The following GPC6 variants were observed in gnomAD, a reference collection of about 807,000 sequenced individuals.
GPC6 encodes glypican 6, also known as glypican-6.
GPC6 carries 14 observed loss-of-function variants against 55.2 expected under a neutral mutation model. The ratio of observed to expected loss-of-function variants is 0.25; its 90% CI spans 0.17 to 0.40. The LOEUF (loss-of-function observed/expected upper bound fraction) is 0.40. GPC6 is among the 10% of genes least tolerant of loss of function. The pLI, the probability that GPC6 is intolerant of heterozygous loss-of-function variation, is 1.00. For synonymous variants in GPC6, 278 were observed against 259.6 expected, an observed-to-expected ratio of 1.07 and a Z score of -0.68; for missense variants, 641 against 708.5, an observed-to-expected ratio of 0.90 and a Z score of 1.08.
intron 4 of GPC6, among the ~76,000 whole-genome samples, chr13:94,143,844 T>C (rs11843296): frequency 7.0e-4 from 106 of 152,274 alleles, no homozygotes; most frequent in African/African-American, 2.5e-3. Flanking sequence ...TTAGCCATGA[T>C]CACTCCACTA....
At chr13:93,546,025 C>T (rs1451704394) in intron 2 of GPC6, among the ~76,000 whole-genome samples, 1 of 152,124 alleles carries the variant, frequency 6.6e-6, no homozygotes, top group African/African-American at 2.4e-5. Flanking sequence ...ACTGAAATTT[C>T]AGCATTGAAT....
At position 93,598,344 on chromosome 13, in the gene GPC6, C is replaced by G. The variant is rs1877860616; in HGVS notation, c.319+52923C>G. Among the ~76,000 whole-genome samples, 3 of 152,020 alleles carry G rather than the reference C, an allele frequency of 2.0e-5. No individual in the cohort carries two copies. In the South Asian group the frequency reaches 6.2e-4, roughly 32 times the overall value. ...CTTAGGATGTGTCCTGTTTTCAAACCATCTCCACCTTAGAAATCTTTCACT... is the reference window on the plus strand; with the variant it reads ...CTTAGGATGTGTCCTGTTTTCAAACGATCTCCACCTTAGAAATCTTTCACT... On this transcript the variant is annotated intron_variant, in intron 2 of 8. Transcript: ENST00000377047.
intron 1 of GPC6, among the ~76,000 whole-genome samples, chr13:93,515,931 T>C (rs1881172396): frequency 6.6e-6 from 1 of 152,122 alleles, no homozygotes; most frequent in Admixed American, 6.6e-5. Flanking sequence ...AGGAAAATAG[T>C]AAATATCTAG....
At chr13:93,767,909 T>G (rs1240321450) in intron 2 of GPC6, among the ~76,000 whole-genome samples, 2 of 152,092 alleles carry the variant, frequency 1.3e-5, no homozygotes, top group East Asian at 1.9e-4. Flanking sequence ...AAGCAAAAAT[T>G]TAGTCGTTTT....
At chr13:94,175,179 C>A (rs141027048) in intron 4 of GPC6, among the ~76,000 whole-genome samples, 14 of 152,252 alleles carry the variant, frequency 9.2e-5, no homozygotes, top group African/African-American at 3.1e-4. Context: ...TACCAGCAGT[C>A]TATTATTAGT....
chr13:93,524,107 C>T (rs763274090), intron 1 of GPC6, among the ~76,000 whole-genome samples: 6 of 151,894 alleles, frequency 4.0e-5, no homozygotes, highest in Non-Finnish European at 8.8e-5. Context: ...GCTGTGTGAC[C>T]TTGAACCTGA....
intron 4 of GPC6, among the ~76,000 whole-genome samples, chr13:94,060,645 C>G: frequency 6.6e-6 from 1 of 152,030 alleles, no homozygotes; most frequent in Admixed American, 6.6e-5. Context: ...AACTCAAAAG[C>G]CAACAAGAAA....
chr13:94,292,944 T>C (rs982035923), intron 5 of GPC6, among the ~76,000 whole-genome samples: 2 of 152,238 alleles, frequency 1.3e-5, no homozygotes, highest in Non-Finnish European at 2.9e-5. Context: ...ATATATTGGC[T>C]ATGCCTAGTT....
At chr13:93,805,433 T>C (rs1000000744) in intron 2 of GPC6, among the ~76,000 whole-genome samples, 2 of 152,096 alleles carry the variant, frequency 1.3e-5, no homozygotes, top group African/African-American at 4.8e-5. Flanking sequence ...AAAGAATATA[T>C]AAAAATAATG....
intron 1 of GPC6, among the ~76,000 whole-genome samples, chr13:93,377,707 C>T (rs1047816358): frequency 1.3e-5 from 2 of 152,162 alleles, no homozygotes; most frequent in Admixed American, 6.5e-5. Flanking sequence ...CTGATGAACA[C>T]CCTGATTTTA....
At chr13:93,635,416 T>C (rs975054875) in intron 2 of GPC6, among the ~76,000 whole-genome samples, 16 of 152,170 alleles carry the variant, frequency 1.1e-4, no homozygotes, top group African/African-American at 3.9e-4. Context: ...AGTGTTGATA[T>C]GGAAGAAATT....
At chr13:93,307,337 A>G (rs1412872353) in intron 1 of GPC6, among the ~76,000 whole-genome samples, 5 of 152,172 alleles carry the variant, frequency 3.3e-5, no homozygotes, top group African/African-American at 1.2e-4. Context: ...ATATTAATAT[A>G]TCATTATCTG....
chr13:93,889,396 A>T (rs1875532337), intron 3 of GPC6, among the ~76,000 whole-genome samples: 1 of 152,118 alleles, frequency 6.6e-6, no homozygotes, highest in African/African-American at 2.4e-5. Context: ...AGTGATTCTG[A>T]ATGTGGTTGG....
chr13:94,157,954 A>G (rs1402844367), intron 4 of GPC6, among the ~76,000 whole-genome samples: 4 of 152,178 alleles, frequency 2.6e-5, no homozygotes, highest in African/African-American at 9.6e-5. Context: ...GAGGCTGGGA[A>G]GATGGAAATT....
intron 1 of GPC6, among the ~76,000 whole-genome samples, chr13:93,419,160 C>G (rs923669125): frequency 6.6e-6 from 1 of 150,760 alleles, no homozygotes; most frequent in African/African-American, 2.4e-5. Context: ...GTAGAAAGGT[C>G]TGTGAGGAAA....
chr13:93,919,907 A>G (rs2140344030), intron 3 of GPC6, among the ~76,000 whole-genome samples: 1 of 152,362 alleles, frequency 6.6e-6, no homozygotes, highest in Middle Eastern at 3.4e-3. Context: ...AGACTTGCTT[A>G]GAAGCCTCTC....
At chr13:93,799,508 T>A (rs1445561179) in intron 2 of GPC6, among the ~76,000 whole-genome samples, 1 of 152,208 alleles carries the variant, frequency 6.6e-6, no homozygotes, top group African/African-American at 2.4e-5. Flanking sequence ...TAATCCTTTA[T>A]CATTTATTGG....
intron 7 of GPC6, among the ~76,000 whole-genome samples, chr13:94,383,297 G>A (rs1006381843): frequency 6.6e-5 from 10 of 152,158 alleles, no homozygotes; most frequent in Non-Finnish European, 1.3e-4. Flanking sequence ...GGTTGCAAGC[G>A]GGTAAAGTAG....
At chr13:93,549,542 G>T (rs1456158659) in intron 2 of GPC6, among the ~76,000 whole-genome samples, 4 of 152,082 alleles carry the variant, frequency 2.6e-5, no homozygotes, top group African/African-American at 9.7e-5. Context: ...TATAATAAAT[G>T]GCAGAGTCAG....
Sources: gnomAD v4.1 joint callset for allele counts (sites outside exome capture counted in the v4.1 genomes callset) on GRCh38, gnomAD v4.1.1 for gene constraint, MANE v1.5 for transcripts, NCBI Gene and HGNC (gene_info 2026-07-23, HGNC 2026-07-21) for gene names.